Variants in LHFPL3 observed in about 807,000 individuals in gnomAD.
The protein encoded by LHFPL3 is LHFPL tetraspan subfamily member 3.
LHFPL3 carries 5 observed loss-of-function variants against 19.3 expected under a neutral mutation model. The observed-to-expected ratio is 0.26, with a 90% CI of 0.14 to 0.54. The LOEUF is 0.54. Among genes scored for constraint, LHFPL3 ranks in the 20% least tolerant of loss-of-function variants. The pLI is 0.94. For synonymous variants in LHFPL3, 133 were observed against 126.2 expected, an observed-to-expected ratio of 1.05 and a Z score of -0.36; for missense variants, 249 against 307.4, an observed-to-expected ratio of 0.81 and a Z score of 1.42.
intron 1 of LHFPL3, among the ~76,000 whole-genome samples, chr7:104,429,301 C>CTTTT (rs71823474): frequency 0.011 from 961 of 84,462 alleles, 63 homozygotes; most frequent in East Asian, 0.1. Flanking sequence ...TATGTCATTC[C>CTTTT]TTTTTTTTTT....
chr7:104,638,624 C>T (rs1791773193), intron 1 of LHFPL3, among the ~76,000 whole-genome samples: 1 of 152,046 alleles, frequency 6.6e-6, no homozygotes, highest in Non-Finnish European at 1.5e-5. Flanking sequence ...TATCAAAAGC[C>T]TTTTTTGCAT....
chr7:104,331,959 A>AG (rs1562866502), intron 1 of LHFPL3, among the ~76,000 whole-genome samples: 1 of 152,008 alleles, frequency 6.6e-6, no homozygotes, highest in African/African-American at 2.4e-5. Context: ...CAAAAAAAAA[A>AG]AAGAAAAAGA....
chr7:104,729,885 T>C (rs1052154372), intron 1 of LHFPL3, among the ~76,000 whole-genome samples: 1 of 152,030 alleles, frequency 6.6e-6, no homozygotes, highest in Non-Finnish European at 1.5e-5. Context: ...CCTAATGCTA[T>C]CCCTCCCCAC....
chr7:104,637,826 CTT>C (rs375790026), intron 1 of LHFPL3, among the ~76,000 whole-genome samples: 3 of 108,942 alleles, frequency 2.8e-5, no homozygotes, highest in Non-Finnish European at 5.3e-5. Context: ...ATGCCTCCAG[CTT>C]TTTTTTTTTT....
intron 1 of LHFPL3, among the ~76,000 whole-genome samples, chr7:104,433,930 T>TA (rs1217267426): frequency 6.6e-6 from 1 of 152,230 alleles, no homozygotes; most frequent in Non-Finnish European, 1.5e-5. Flanking sequence ...AATCAATGGA[T>TA]AAAAATACAT....
intron 1 of LHFPL3, among the ~76,000 whole-genome samples, chr7:104,394,183 C>T (rs1453320201): frequency 6.6e-6 from 1 of 152,146 alleles, no homozygotes; most frequent in Non-Finnish European, 1.5e-5. Flanking sequence ...CGTAGTGGTT[C>T]TTGACTTTAC....
At chr7:104,850,329 C>T (rs10226989) in intron 2 of LHFPL3, among the ~76,000 whole-genome samples, 96,125 of 152,104 alleles carry the variant, frequency 0.63, 32,528 homozygotes, top group Non-Finnish European at 0.78. Context: ...AAAGTAATTG[C>T]GGTTTTTGCC....
In LHFPL3 at chr7:104,833,415, TA is replaced by T. The variant is rs1439925720; in HGVS notation, c.683-72770del. Among the ~76,000 whole-genome samples, 26 of 6,824 alleles carry T rather than the reference TA, an allele frequency of 3.8e-3. 5 individuals are homozygous for T. The highest frequency in any genetic ancestry group is 8.1e-3 in the African/African-American group (20 of 2,476). The allele number at this position is 6,824 out of a possible 152,430, so 4.5% of individuals were successfully genotyped here. A position where few individuals can be genotyped will look rare whatever the true frequency, so the allele number is the denominator to read the frequency against. ...GATATATATATTATATATATATATA[TA>T]ATATATATATATATATATGCTCCTC... On this transcript the variant is annotated intron_variant, in intron 2 of 2. Transcript: ENST00000424859.
chr7:104,668,946 G>A, intron 1 of LHFPL3: 1 of 1,612,452 alleles, frequency 6.2e-7, no homozygotes, highest in Non-Finnish European at 8.5e-7. Context: ...GGCCTCGGGA[G>A]AGACACCCAA....
chr7:104,855,723 A>C (rs905283094), intron 2 of LHFPL3, among the ~76,000 whole-genome samples: 5 of 151,790 alleles, frequency 3.3e-5, no homozygotes, highest in African/African-American at 1.2e-4. Flanking sequence ...TCCTGGATTC[A>C]AGTGATTCTC....
chr7:104,596,510 A>G (rs1790863321), intron 1 of LHFPL3, among the ~76,000 whole-genome samples: 2 of 152,368 alleles, frequency 1.3e-5, no homozygotes, highest in South Asian at 4.1e-4. Flanking sequence ...AAGTAAAGAT[A>G]ACAACAATTT....
At chr7:104,667,690 A>C in intron 1 of LHFPL3, 4 of 1,245,998 alleles carry the variant, frequency 3.2e-6, no homozygotes, top group Non-Finnish European at 4.5e-6. Context: ...TTATACATGC[A>C]ATTTACAACT....
intron 1 of LHFPL3, among the ~76,000 whole-genome samples, chr7:104,408,302 T>C (rs1791459007): frequency 6.6e-6 from 1 of 152,220 alleles, no homozygotes; most frequent in Non-Finnish European, 1.5e-5. Context: ...CCCTTTGTTA[T>C]TCAATTTTAA....
At chr7:104,497,822 A>G (rs1048124465) in intron 1 of LHFPL3, among the ~76,000 whole-genome samples, 1 of 152,176 alleles carries the variant, frequency 6.6e-6, no homozygotes, top group Non-Finnish European at 1.5e-5. Context: ...TGGAGTGGGT[A>G]GAGAGGCTGA....
chr7:104,849,253 C>T (rs1268712769), intron 2 of LHFPL3, among the ~76,000 whole-genome samples: 1 of 152,156 alleles, frequency 6.6e-6, no homozygotes, highest in African/African-American at 2.4e-5. Flanking sequence ...TTTTCTGCTT[C>T]TAGTTACTCC....
chr7:104,851,902 A>C lies in LHFPL3; in HGVS notation c.683-54285A>C, dbSNP rs11769515. 9.0e-3 allele frequency among the ~76,000 whole-genome samples: 1,366 copies of C among 152,118 alleles called. 16 individuals are homozygous for C. Among genetic ancestry groups the C allele is most frequent in the Admixed American group, 0.012 (188 of 15,280 alleles). On this transcript the variant is annotated intron_variant, in intron 2 of 2. Coordinates refer to ENST00000424859, the MANE Select transcript of LHFPL3 (RefSeq NM_199000.3). ...TTCTCAGGCTCAAGCCTCTATTTTC[A>C]AACCACGTGGGCAGAGCAGGAGAAA...
chr7:104,393,293 G>A (rs1352348520), intron 1 of LHFPL3, among the ~76,000 whole-genome samples: 1 of 152,072 alleles, frequency 6.6e-6, no homozygotes, highest in East Asian at 1.9e-4. Flanking sequence ...GTTACCATAT[G>A]ACCTAGCAGT....
chr7:104,727,447 T>C (rs1171800432), intron 1 of LHFPL3, among the ~76,000 whole-genome samples: 1 of 152,230 alleles, frequency 6.6e-6, no homozygotes, highest in African/African-American at 2.4e-5. Flanking sequence ...TTAGGGCTTT[T>C]ATAGCTTTGA....
At chr7:104,371,272 A>G (rs991072670) in intron 1 of LHFPL3, among the ~76,000 whole-genome samples, 3 of 151,984 alleles carry the variant, frequency 2.0e-5, no homozygotes, top group Non-Finnish European at 2.9e-5. Flanking sequence ...CTTGTCTCCC[A>G]TTTTCATCTC....
Sources: allele counts gnomAD v4.1 joint callset (sites outside exome capture counted in the v4.1 genomes callset), GRCh38; gene constraint gnomAD v4.1.1; transcripts MANE v1.5; gene names NCBI Gene and HGNC (gene_info 2026-07-23, HGNC 2026-07-21).